The following C11orf16 variants were observed in gnomAD, a reference collection of about 807,000 sequenced individuals.
C11orf16 encodes chromosome 11 open reading frame 16.
In C11orf16, 38 loss-of-function variants were observed where a neutral mutation model predicts 45.1. The observed-to-expected ratio is 0.84, with a 90% confidence interval of 0.65 to 1.10. The LOEUF is 1.10. Among genes scored for constraint, C11orf16 ranks in the 50% least tolerant of loss-of-function variants. The pLI is 0.00. For synonymous variants in C11orf16, 221 were observed against 222.0 expected, an observed-to-expected ratio of 1.00 and a Z score of 0.04; for missense variants, 583 against 569.5, an observed-to-expected ratio of 1.02 and a Z score of -0.24.
intron 5 of C11orf16, among the ~76,000 whole-genome samples, chr11:8,923,674 T>A (rs1267090870): frequency 1.3e-5 from 2 of 151,832 alleles, no homozygotes; most frequent in Non-Finnish European, 2.9e-5. Flanking sequence ...CAGGCTGGAG[T>A]GTAGTGGCTT....
chr11:8,927,626 A>G lies in C11orf16; in HGVS notation c.325-452T>C, dbSNP rs188966599. 745 of 456,838 alleles carry G rather than the reference A, an allele frequency of 1.6e-3. 1 individual carries two copies. Among genetic ancestry groups the G allele is most frequent in the Non-Finnish European group, 2.7e-3 (621 of 227,390 alleles). 28.3% of individuals were successfully genotyped at this position (456,838 alleles called of 1,614,324 possible). ...AGACCAACAGGATGGTTGTTCACCTATGAGGCTCATGTAGGCAAGGAGCGA... is the reference window on the plus strand; with the variant it reads ...AGACCAACAGGATGGTTGTTCACCTGTGAGGCTCATGTAGGCAAGGAGCGA... On this transcript the variant is annotated intron_variant, in intron 3 of 6. Transcript: ENST00000326053.
At chr11:8,925,414 C>T (rs767919637) in intron 5 of C11orf16, 49 bp downstream of exon 5, 21 of 1,549,816 alleles carry the variant, frequency 1.4e-5, no homozygotes, top group African/African-American at 4.1e-5. Context: ...GGAAGGGAGG[C>T]GGGGCCCCAG....
intron 4 of C11orf16, 126 bp downstream of exon 4, chr11:8,926,814 G>T: frequency 3.0e-6 from 2 of 670,348 alleles, no homozygotes; most frequent in East Asian, 2.7e-5. Context: ...GCAAGCAAGG[G>T]GGAAAAATTC....
chr11:8,925,769 C>T lies in C11orf16; in HGVS notation c.898G>A (p.Glu300Lys), dbSNP rs749664794. The T allele has an allele frequency of 5.6e-6, 9 of 1,614,250 alleles. No homozygotes were observed. In the South Asian group the frequency reaches 9.9e-5, roughly 18 times the overall value. The change falls in exon 5 of 7, where the codon GAA (glutamate) becomes AAA (lysine). Residue 300 changes from glutamate to lysine, a missense_variant. Glu to Lys is a moderately conservative substitution (Grantham distance 56). Transcript: ENST00000326053. ...TCTGGAAGTTCTCTGGCCATGACTT[C>T]TGAGGTCCTGGTTAGAGGCCACCAA... is the stretch of plus-strand genomic sequence containing the variant. ...TTWWPLTRTS[E>K]VMARELPELE... is the part of the protein sequence containing the mutation.
chr11:8,932,073 C>A, intron 2 of C11orf16, 69 bp downstream of exon 2: 3 of 1,441,112 alleles, frequency 2.1e-6, no homozygotes, highest in Non-Finnish European at 2.8e-6. Context: ...CAAGGTCTAC[C>A]ACCAACAGCC....
chr11:8,921,614 C>T, intron 5 of C11orf16, 99 bp from the exon 6 acceptor site: 1 of 1,106,156 alleles, frequency 9.0e-7, no homozygotes, highest in Non-Finnish European at 1.3e-6. Context: ...TAAGCTCAAG[C>T]ATTGTTTTCT....
chr11:8,921,079 C>T (rs1292516479), intron 6 of C11orf16, among the ~76,000 whole-genome samples: 3 of 152,164 alleles, frequency 2.0e-5, no homozygotes, highest in Non-Finnish European at 4.4e-5. Context: ...AACAGAGGGT[C>T]ATTTAAACGG....
Position 8,929,468 on chromosome 11 carries a change from C to T in C11orf16, c.233G>A (p.Gly78Glu). ...TGTGTTGGCAGCATCTCCAGCTCTT[C>T]CCAGCCAGCCAGGCCCCTGCCATGC... ...DPAWQGPGWL[G>E]RAGDAANTWV... The change falls in exon 3 of 7, where the codon GGA (glycine) becomes GAA (glutamate). Residue 78 changes from glycine (G) to glutamate (E), a missense_variant. Gly to Glu is a moderately conservative substitution (Grantham distance 98). Transcript: ENST00000326053. The T allele has an allele frequency of 6.2e-7, 1 of 1,614,182 alleles. No individual in the cohort carries two copies. The highest frequency in any genetic ancestry group is 1.1e-5 in the South Asian group (1 of 91,086).
chr11:8,927,010 C>T lies in C11orf16; in HGVS notation c.489G>A (p.Trp163Ter), dbSNP rs1282597207. The T allele has an allele frequency of 6.2e-7, 1 of 1,614,062 alleles. No homozygotes were observed. Among genetic ancestry groups the T allele is most frequent in the East Asian group, 2.2e-5 (1 of 44,850 alleles). ...LRPGDKVLAL[W>*]EPGQQQYGPG... ...GGCCATACTGCTGTTGGCCTGGCTC[C>T]CAGAGTGCCAGCACCTTATCCCCTG... The change falls in exon 4 of 7, where the codon TGG becomes TGA. Residue 163 changes from tryptophan (W) to a stop codon, truncating the protein, a stop_gained. Coordinates refer to ENST00000326053, the MANE Select transcript of C11orf16 (RefSeq NM_020643.3). LOFTEE classifies it high-confidence loss of function.
intron 4 of C11orf16, among the ~76,000 whole-genome samples, chr11:8,926,352 C>T (rs1455648277): frequency 6.6e-6 from 1 of 151,904 alleles, no homozygotes; most frequent in African/African-American, 2.4e-5. Context: ...CCTACCCACA[C>T]AGGCAAAGGC....
chr11:8,925,456 G>C lies in C11orf16; in HGVS notation c.1204+7C>G. On this transcript the variant is annotated splice_region_variant and intron_variant, in intron 5 of 6. Transcript: ENST00000326053. ...CCTTAGAAAGCAAGCCCACTCCCCT[G>C]GTATACCTGGCTTCCCAAGGCATGG... 1 of 1,609,432 alleles carries C rather than the reference G, an allele frequency of 6.2e-7. No homozygotes were observed. Among genetic ancestry groups the C allele is most frequent in the Non-Finnish European group, 8.5e-7 (1 of 1,177,180 alleles).
intron 2 of C11orf16, among the ~76,000 whole-genome samples, chr11:8,931,186 T>C (rs1048442564): frequency 3.3e-5 from 5 of 151,492 alleles, no homozygotes; most frequent in African/African-American, 4.8e-5. Context: ...AGCTGATTTC[T>C]CATATGGTGG....
intron 5 of C11orf16, among the ~76,000 whole-genome samples, chr11:8,921,743 G>A (rs2064576246): frequency 6.6e-6 from 1 of 152,064 alleles, no homozygotes; most frequent in Non-Finnish European, 1.5e-5. Context: ...CCTCCCACCT[G>A]CCACCCGCTC....
At chr11:8,924,828 A>C (rs1008522797) in intron 5 of C11orf16, among the ~76,000 whole-genome samples, 1 of 152,132 alleles carries the variant, frequency 6.6e-6, no homozygotes, top group African/African-American at 2.4e-5. Context: ...CTCCGTTGGG[A>C]ATTTAGATAG....
intron 2 of C11orf16, among the ~76,000 whole-genome samples, chr11:8,931,057 G>A (rs2064646656): frequency 6.6e-6 from 1 of 152,148 alleles, no homozygotes; most frequent in Non-Finnish European, 1.5e-5. Flanking sequence ...TAGGGCTGTG[G>A]TGCCTTTGGC....
chr11:8,926,885 C>G (rs2134835546), intron 4 of C11orf16, 55 bp downstream of exon 4: 1 of 1,450,296 alleles, frequency 6.9e-7, no homozygotes, highest in Non-Finnish European at 9.7e-7. Flanking sequence ...CTCCTCTGGC[C>G]TGATTACAGC....
At chr11:8,929,787 G>A (rs975086291) in intron 2 of C11orf16, among the ~76,000 whole-genome samples, 2 of 152,146 alleles carry the variant, frequency 1.3e-5, no homozygotes, top group African/African-American at 2.4e-5. Flanking sequence ...AATGTAATTC[G>A]CCTTGATACA....
At position 8,921,351 on chromosome 11, in the gene C11orf16, G is replaced by A; in HGVS notation, c.1369C>T (p.Leu457Phe). The A allele has an allele frequency of 6.2e-7, 1 of 1,614,192 alleles. No homozygotes were observed. Among genetic ancestry groups the A allele is most frequent in the Non-Finnish European group, 8.5e-7 (1 of 1,180,042 alleles). Residue 457 changes from leucine to phenylalanine, a missense_variant, in exon 6 of 7, where the codon CTT becomes TTT. By Grantham distance (22) the Leu-to-Phe change is conservative. Coordinates refer to ENST00000326053, the MANE Select transcript of C11orf16 (RefSeq NM_020643.3). ...EAEHRKRSQS[L>F]AICQWNKNSR ...TTCTTGTTCCACTGACATATTGCAA[G>A]GCTCTGACTCCGCTTTCTGTGTTCA...
intron 3 of C11orf16, chr11:8,927,543 T>G (rs1258199420): frequency 2.2e-6 from 1 of 456,380 alleles, no homozygotes; most frequent in Non-Finnish European, 4.4e-6. Flanking sequence ...AATCTCCTCC[T>G]TCCAGCACCC....
Sources: gnomAD v4.1 joint callset for allele counts (sites outside exome capture counted in the v4.1 genomes callset) on GRCh38, gnomAD v4.1.1 for gene constraint, MANE v1.5 for transcripts, NCBI Gene and HGNC (gene_info 2026-07-23, HGNC 2026-07-21) for gene names.